Variants in BMAL2 observed in about 807,000 individuals in gnomAD.
BMAL2 encodes the protein basic helix-loop-helix ARNT-like protein 2.
At chr12:27,377,180 A>G in the BMAL2 span, among the ~76,000 whole-genome samples, 13 of 152,230 alleles carry the variant, frequency 8.5e-5, no homozygotes, top group Admixed American at 3.9e-4. Context: ...AAATACTGCC[A>G]TGGTTCAACA....
the BMAL2 span, chr12:27,420,449 A>G: frequency 6.2e-7 from 1 of 1,613,864 alleles, no homozygotes; most frequent in South Asian, 1.1e-5. Flanking sequence ...TGACACAGCC[A>G]TGGCTGCATT....
At chr12:27,385,847 C>A in the BMAL2 span, among the ~76,000 whole-genome samples, 4 of 152,034 alleles carry the variant, frequency 2.6e-5, no homozygotes, top group African/African-American at 9.7e-5. Context: ...TCTACTCCCC[C>A]ATGATCACCA....
At chr12:27,352,970 G>A in the BMAL2 span, among the ~76,000 whole-genome samples, 2 of 152,062 alleles carry the variant, frequency 1.3e-5, no homozygotes, top group African/African-American at 4.8e-5. Context: ...TCATGGATAG[G>A]AAGAATCAAT....
chr12:27,408,983 T>G, the BMAL2 span, among the ~76,000 whole-genome samples: 3 of 152,100 alleles, frequency 2.0e-5, no homozygotes, highest in African/African-American at 4.8e-5. Context: ...ATGAGTGAAC[T>G]CCCATTTACA....
chr12:27,418,879 T>C, the BMAL2 span, among the ~76,000 whole-genome samples: 565 of 151,566 alleles, frequency 3.7e-3, 4 homozygotes, highest in African/African-American at 0.013. Context: ...CTCGGGAGGC[T>C]GAGACAGGAA....
chr12:27,391,473 T>C, the BMAL2 span, among the ~76,000 whole-genome samples: 7 of 152,240 alleles, frequency 4.6e-5, no homozygotes, highest in African/African-American at 1.7e-4. Flanking sequence ...ATGTATTTGC[T>C]ATTGTGAACA....
the BMAL2 span, chr12:27,403,393 T>A: frequency 5.6e-6 from 7 of 1,254,628 alleles, no homozygotes; most frequent in Non-Finnish European, 8.1e-6. Context: ...GAAAGAAAGA[T>A]AAAGTCCTCA....
At chr12:27,390,305 G>C in the BMAL2 span, 13 of 1,493,524 alleles carry the variant, frequency 8.7e-6, no homozygotes, top group Admixed American at 1.1e-4. Context: ...AATATTTTCT[G>C]TACAGAAAAA....
At chr12:27,349,330 A>T in the BMAL2 span, among the ~76,000 whole-genome samples, 65 of 152,236 alleles carry the variant, frequency 4.3e-4, 1 homozygote, top group African/African-American at 1.4e-3. Flanking sequence ...TCTCAAGCAT[A>T]CTACTTTTAA....
chr12:27,382,213 A>G, the BMAL2 span, among the ~76,000 whole-genome samples: 3 of 152,180 alleles, frequency 2.0e-5, no homozygotes, highest in Admixed American at 6.5e-5. Flanking sequence ...TTTGATTGCA[A>G]CCCTGAAATT....
chr12:27,370,332 T>G, the BMAL2 span: 1 of 826,768 alleles, frequency 1.2e-6, no homozygotes, highest in Non-Finnish European at 2.0e-6. Context: ...GCTCATCATC[T>G]ATCCCAGAGC....
chr12:27,364,467 T>C, the BMAL2 span, among the ~76,000 whole-genome samples: 1 of 152,182 alleles, frequency 6.6e-6, no homozygotes, highest in Non-Finnish European at 1.5e-5. Context: ...TTACCACCTT[T>C]GATATTTAGC....
chr12:27,371,526 CT>C, the BMAL2 span, among the ~76,000 whole-genome samples: 1 of 151,994 alleles, frequency 6.6e-6, no homozygotes, highest in East Asian at 1.9e-4. Flanking sequence ...GGGGGGTGAG[CT>C]ATGAGAGTTG....
the BMAL2 span, chr12:27,423,875 G>GCTGT: frequency 6.6e-6 from 1 of 152,144 alleles, no homozygotes; most frequent in Non-Finnish European, 1.5e-5. Context: ...CTAGAACTGT[G>GCTGT]CTGTCCAGTG....
the BMAL2 span, among the ~76,000 whole-genome samples, chr12:27,382,177 A>G: frequency 6.6e-6 from 1 of 152,222 alleles, no homozygotes; most frequent in African/African-American, 2.4e-5. Context: ...TTCAGCAATG[A>G]AAATTTACAG....
At chr12:27,369,777 G>GT in the BMAL2 span, among the ~76,000 whole-genome samples, 1 of 152,204 alleles carries the variant, frequency 6.6e-6, no homozygotes, top group African/African-American at 2.4e-5. Flanking sequence ...CCTTGCAGTG[G>GT]TTTGGGGGTG....
chr12:27,415,762 C>A, the BMAL2 span: 1 of 763,912 alleles, frequency 1.3e-6, no homozygotes, highest in Middle Eastern at 3.6e-4. Flanking sequence ...TACTCAGTTT[C>A]AAGTTCCTCA....
chr12:27,409,029 A>G, the BMAL2 span, among the ~76,000 whole-genome samples: 2 of 152,208 alleles, frequency 1.3e-5, no homozygotes, highest in Admixed American at 1.3e-4. Flanking sequence ...TAGGAATCCA[A>G]CTTACAAGGG....
At chr12:27,352,127 G>A in the BMAL2 span, among the ~76,000 whole-genome samples, 38 of 152,242 alleles carry the variant, frequency 2.5e-4, no homozygotes, top group African/African-American at 8.7e-4. Flanking sequence ...CAGTCTTTGT[G>A]TATATCTTTA....
Sources: allele counts gnomAD v4.1 joint callset (sites outside exome capture counted in the v4.1 genomes callset), GRCh38; gene constraint gnomAD v4.1.1; transcripts MANE v1.5; gene names NCBI Gene and HGNC (gene_info 2026-07-23, HGNC 2026-07-21).